VPS33A: variants seen among roughly 807,000 people sequenced by gnomAD.
The protein encoded by VPS33A is VPS33A core subunit of CORVET and HOPS complexes.
VPS33A carries 32 observed loss-of-function variants against 71.8 expected under a neutral mutation model. The ratio of observed to expected loss-of-function variants is 0.45; its 90% CI spans 0.34 to 0.60. The LOEUF (loss-of-function observed/expected upper bound fraction) is 0.60. Ranked by LOEUF, VPS33A falls within the 20% of genes least tolerant of loss-of-function variation. The probability of loss-of-function intolerance (pLI) is 0.02; values close to 1 mark genes in which losing one functional copy is unlikely to be tolerated. For missense variants in VPS33A, 625 were observed against 748.5 expected, an observed-to-expected ratio of 0.84 and a Z score of 1.92; for synonymous variants, 311 against 292.7, an observed-to-expected ratio of 1.06 and a Z score of -0.64.
chr12:122,250,072 G>A, intron 5 of VPS33A, 27 bp from the exon 6 acceptor site: 2 of 1,565,782 alleles, frequency 1.3e-6, no homozygotes, highest in Non-Finnish European at 1.7e-6. Flanking sequence ...GGATGAGGTG[G>A]GGCCCCCCTG....
At chr12:122,249,580 G>C (rs1954818020) in intron 6 of VPS33A, 2 of 216,188 alleles carry the variant, frequency 9.3e-6, no homozygotes, top group Non-Finnish European at 1.8e-5. Context: ...GAAAATTCTG[G>C]TAAGAAAATG....
chr12:122,239,942 G>A lies in VPS33A; in HGVS notation c.1100C>T (p.Ser367Phe), dbSNP rs1425411149. The stretch of plus-strand genomic sequence containing the variant: ...GGTTAATTTATCAAAAAAGTCTTCA[G>A]AAGCTAAAATGAAATTAGCAAATTT... ...IAELIKDVTTSEDFFDKLTVE... is the reference protein window; with the variant it reads ...IAELIKDVTTFEDFFDKLTVE... Residue 367 changes from serine to phenylalanine, a missense_variant, in exon 9 of 13, where the codon TCT (serine) becomes TTT (phenylalanine). By Grantham distance (155) the Ser-to-Phe change is radical. Coordinates refer to ENST00000267199, the MANE Select transcript of VPS33A (RefSeq NM_022916.6). The A allele has an allele frequency of 1.2e-6, 2 of 1,612,448 alleles. No individual in the cohort carries two copies. Among genetic ancestry groups the A allele is most frequent in the Non-Finnish European group, 1.7e-6 (2 of 1,179,212 alleles).
intron 11 of VPS33A, among the ~76,000 whole-genome samples, chr12:122,235,421 T>G (rs1168206444): frequency 6.6e-6 from 1 of 151,994 alleles, no homozygotes. Flanking sequence ...CGCACCACAA[T>G]GCTGGGCTAA....
chr12:122,260,132 A>G (rs2136149907), intron 4 of VPS33A, among the ~76,000 whole-genome samples: 2 of 152,288 alleles, frequency 1.3e-5, no homozygotes, highest in Non-Finnish European at 2.9e-5. Flanking sequence ...GGAAGGAAAG[A>G]TAGCGACAGA....
At position 122,231,575 on chromosome 12, in the gene VPS33A, TCA is replaced by T. The variant is rs1048258127; in HGVS notation, c.*669_*670del. The T allele has an allele frequency of 6.6e-6, 1 of 152,246 alleles. No individual in the cohort carries two copies. Among genetic ancestry groups the T allele is most frequent in the African/African-American group, 2.4e-5 (1 of 41,442 alleles). 9.4% of individuals were successfully genotyped at this position (152,246 alleles called of 1,614,324 possible). On this transcript the variant is annotated 3_prime_UTR_variant, in exon 13 of 13. Transcript: ENST00000267199. ...GAGGATGAACTTTCTCTTTTTATTT[TCA>T]GTTTCACCTCCTCAGTCTCAGCTTT...
At position 122,256,285 on chromosome 12, in the gene VPS33A, A is replaced by C. The variant is rs111624279; in HGVS notation, c.483+4976T>G. On this transcript the variant is annotated intron_variant, in intron 4 of 12. Coordinates refer to ENST00000267199, the MANE Select transcript of VPS33A (RefSeq NM_022916.6). ...TTCGAAGTATTTTATTGGTAAGAAG[A>C]AAAAAAGGCCAGGCACAGTGGCTCA... Among the ~76,000 whole-genome samples, 321 of 152,096 alleles carry C rather than the reference A, an allele frequency of 2.1e-3. 5 individuals carry two copies. The East Asian group carries it at 0.043, about 20-fold the overall frequency.
intron 2 of VPS33A, 71 bp downstream of exon 2, chr12:122,264,063 A>G: frequency 7.6e-7 from 1 of 1,313,962 alleles, no homozygotes; most frequent in Non-Finnish European, 1.0e-6. Context: ...AGGAAGAAAT[A>G]TAAAATCCTA....
intron 3 of VPS33A, 31 bp downstream of exon 3, chr12:122,263,541 T>C (rs1479900553): frequency 2.6e-6 from 4 of 1,561,212 alleles, no homozygotes; most frequent in Non-Finnish European, 3.5e-6. Context: ...AGAACCAAAC[T>C]CTTTTGGATC....
intron 6 of VPS33A, among the ~76,000 whole-genome samples, chr12:122,245,438 G>A (rs1045587661): frequency 2.0e-5 from 3 of 149,126 alleles, no homozygotes; most frequent in African/African-American, 4.9e-5. Flanking sequence ...CTCTGTTCAC[G>A]TTCTGTTTTT....
rs561702816 is a variant in VPS33A, at chr12:122,231,811, C to T, written c.*435G>A. On this transcript the variant is annotated 3_prime_UTR_variant, in exon 13 of 13. Coordinates refer to ENST00000267199, the MANE Select transcript of VPS33A (RefSeq NM_022916.6). The stretch of plus-strand genomic sequence containing the variant: ...GTGGCTCAGGCCTGTAATCCCAGCA[C>T]TGTGGGAGGCCGAGGCAGGTGGATC... 1.1e-5 allele frequency: 3 copies of T among 285,690 alleles called. No homozygotes were observed. Among genetic ancestry groups the T allele is most frequent in the East Asian group, 5.6e-5 (1 of 17,718 alleles). 17.7% of individuals were successfully genotyped at this position (285,690 alleles called of 1,614,324 possible). A position where few individuals can be genotyped will look rare whatever the true frequency, so the allele number is the denominator to read the frequency against.
chr12:122,239,980 T>C, intron 8 of VPS33A, 35 bp from the exon 9 acceptor site: 1 of 1,494,416 alleles, frequency 6.7e-7, no homozygotes, highest in South Asian at 1.1e-5. Context: ...AACTTAGAAA[T>C]TAAATGTTAA....
intron 4 of VPS33A, among the ~76,000 whole-genome samples, chr12:122,257,034 T>C (rs370314725): frequency 2.6e-5 from 4 of 152,148 alleles, no homozygotes; most frequent in Admixed American, 2.0e-4. Context: ...AGGGATTATA[T>C]ACTATGAGCT....
intron 9 of VPS33A, among the ~76,000 whole-genome samples, chr12:122,239,089 G>C (rs1954674173): frequency 6.6e-6 from 1 of 152,040 alleles, no homozygotes; most frequent in Admixed American, 6.6e-5. Context: ...CACTCCATAT[G>C]CCTGTCTGGA....
intron 3 of VPS33A, 88 bp downstream of exon 3, chr12:122,263,484 A>G: frequency 6.9e-7 from 1 of 1,451,318 alleles, no homozygotes; most frequent in African/African-American, 1.4e-5. Context: ...CACTGGCAAG[A>G]GTGAGGGTCT....
Position 122,230,064 on chromosome 12 carries a change from A to C in VPS33A, c.*2182T>G, listed in dbSNP as rs77591035. ...CTGCCTGAGGTGGAAGGTATAAACT[A>C]ATCTCCCTGGGATATAACAAGTATT... On this transcript the variant is annotated 3_prime_UTR_variant, in exon 13 of 13. Coordinates refer to ENST00000267199, the MANE Select transcript of VPS33A (RefSeq NM_022916.6). 6.6e-6 allele frequency: 1 copy of C among 152,160 alleles called. No homozygotes were observed. The highest frequency in any genetic ancestry group is 2.1e-4 in the South Asian group (1 of 4,826). The allele number at this position is 152,160 out of a possible 1,614,324, so 9.4% of individuals were successfully genotyped here. A position where few individuals can be genotyped will look rare whatever the true frequency, so the allele number is the denominator to read the frequency against.
rs1349993864 is a variant in VPS33A at position 122,256,641 on chromosome 12, T to G, written c.483+4620A>C. 1.2e-4 allele frequency among the ~76,000 whole-genome samples: 18 copies of G among 149,056 alleles called. No homozygotes were observed. In the South Asian group the frequency reaches 3.8e-3, roughly 31 times the overall value. The stretch of plus-strand genomic sequence containing the variant: ...AGCAGCGGCACCAGCAGCAGCAGCA[T>G]CATAAACTCATAAATCAAAGAAACA... On this transcript the variant is annotated intron_variant, in intron 4 of 12. Transcript: ENST00000267199.
intron 4 of VPS33A, among the ~76,000 whole-genome samples, chr12:122,254,058 T>G (rs1954880860): frequency 6.6e-6 from 1 of 152,136 alleles, no homozygotes; most frequent in Admixed American, 6.6e-5. Flanking sequence ...CCTTGCAGAA[T>G]ACCATACAAG....
At chr12:122,236,041 T>C (rs1304023389) in intron 10 of VPS33A, 118 bp from the exon 11 acceptor site, 8 of 1,299,208 alleles carry the variant, frequency 6.2e-6, no homozygotes, top group Non-Finnish European at 6.3e-6. Flanking sequence ...GTTACCAAAG[T>C]CCAGCAATGT....
chr12:122,234,759 G>A (rs959666295), intron 11 of VPS33A, among the ~76,000 whole-genome samples: 4 of 152,160 alleles, frequency 2.6e-5, no homozygotes, highest in African/African-American at 7.2e-5. Context: ...GAGTGAACTG[G>A]AGAGTGGGCA....
Sources: gnomAD v4.1 joint callset for allele counts (sites outside exome capture counted in the v4.1 genomes callset) on GRCh38, gnomAD v4.1.1 for gene constraint, MANE v1.5 for transcripts, NCBI Gene and HGNC (gene_info 2026-07-23, HGNC 2026-07-21) for gene names.